HECW1: variants seen among roughly 807,000 people sequenced by gnomAD.
HECW1 encodes the protein HECT, C2 and WW domain containing E3 ubiquitin protein ligase 1, also known as E3 ubiquitin-protein ligase HECW1.
HECW1 carries 61 observed loss-of-function variants against 182.3 expected under a neutral mutation model. The ratio of observed to expected loss-of-function variants is 0.33; its 90% CI spans 0.27 to 0.41. The LOEUF (loss-of-function observed/expected upper bound fraction) is 0.41. Among genes scored for constraint, HECW1 ranks in the 10% least tolerant of loss-of-function variants. HECW1 has a pLI of 1.00. For missense variants in HECW1, 1,739 were observed against 2,108.9 expected (o/e 0.82, Z 3.44); for synonymous variants, 859 against 832.6 (o/e 1.03, Z -0.55).
intron 24 of HECW1, chr7:43,522,953 G>A (rs971557674): frequency 8.1e-6 from 3 of 368,196 alleles, no homozygotes; most frequent in Non-Finnish European, 1.6e-5. Context: ...TGGCACTTCC[G>A]CCTACTCTTT....
chr7:43,378,824 A>C (rs1419023074), intron 6 of HECW1, among the ~76,000 whole-genome samples: 2 of 152,068 alleles, frequency 1.3e-5, no homozygotes, highest in East Asian at 1.9e-4. Flanking sequence ...AATAAAAACA[A>C]AAGAAGGAGG....
At chr7:43,513,799 T>C (rs748042231) in intron 24 of HECW1, among the ~76,000 whole-genome samples, 14 of 152,306 alleles carry the variant, frequency 9.2e-5, no homozygotes, top group Non-Finnish European at 1.9e-4. Context: ...ACGACTGACT[T>C]CCAAACTGAA....
intron 24 of HECW1, among the ~76,000 whole-genome samples, chr7:43,519,302 A>G (rs1047929190): frequency 4.6e-5 from 7 of 151,928 alleles, no homozygotes; most frequent in African/African-American, 1.7e-4. Flanking sequence ...CTGGAGTGCA[A>G]TGGCACGATC....
chr7:43,407,816 T>G (rs959427227), intron 8 of HECW1, 85 bp downstream of exon 8: 1 of 1,224,048 alleles, frequency 8.2e-7, no homozygotes, highest in Non-Finnish European at 1.2e-6. Flanking sequence ...CCTCCATTCA[T>G]GGAGCCCTGG....
At position 43,456,363 on chromosome 7, in the gene HECW1, C is replaced by G; in HGVS notation, c.2567C>G (p.Thr856Ser). 6.2e-7 allele frequency: 1 copy of G among 1,614,052 alleles called. No individual in the cohort carries two copies. The highest frequency in any genetic ancestry group is 8.5e-7 in the Non-Finnish European group (1 of 1,179,960). The change falls in exon 13 of 30, where the codon ACC (threonine) becomes AGC (serine). Residue 856 changes from threonine to serine, a missense_variant. By Grantham distance (58) the Thr-to-Ser change is moderately conservative. Around this residue, in one of 5 missense-constraint regions of HECW1, gnomAD observed 971 missense variants for 1,029.1 expected, o/e 0.94. Coordinates refer to ENST00000395891, the MANE Select transcript of HECW1 (RefSeq NM_015052.5). ...FYVDHVNRTT[T>S]WQRPTAAATP... ...GTGGACCACGTGAACCGCACAACCA[C>G]CTGGCAGCGTCCGACGGCAGCAGCC... is the stretch of plus-strand genomic sequence containing the variant.
At chr7:43,426,086 G>C (rs2076355806) in intron 8 of HECW1, among the ~76,000 whole-genome samples, 1 of 152,148 alleles carries the variant, frequency 6.6e-6, no homozygotes, top group South Asian at 2.1e-4. Flanking sequence ...CAAGCTGTCT[G>C]ATGGGATGAG....
At chr7:43,511,261 G>A (rs546040694) in intron 24 of HECW1, 1 of 152,320 alleles carries the variant, frequency 6.6e-6, no homozygotes, top group East Asian at 1.9e-4. Flanking sequence ...GAGTATTTGT[G>A]GTGCATCCTG....
chr7:43,546,325 GT>G (rs1476713855), intron 26 of HECW1, among the ~76,000 whole-genome samples: 33 of 145,854 alleles, frequency 2.3e-4, no homozygotes. Flanking sequence ...TTTGGACACA[GT>G]TCTCTCCAGC....
At chr7:43,273,859 T>G (rs905059658) in intron 3 of HECW1, among the ~76,000 whole-genome samples, 1 of 128,800 alleles carries the variant, frequency 7.8e-6, no homozygotes, top group African/African-American at 4.1e-5. Context: ...ATATGATTCT[T>G]TTTTTTTTTT....
At chr7:43,514,093 TAA>T (rs906176740) in intron 24 of HECW1, among the ~76,000 whole-genome samples, 1 of 152,094 alleles carries the variant, frequency 6.6e-6, no homozygotes, top group Non-Finnish European at 1.5e-5. Context: ...GGCCAGTCCC[TAA>T]GTCACAGAGC....
In HECW1 at chr7:43,493,178, C is replaced by A. The variant is rs181114904; in HGVS notation, c.3435C>A (p.Leu1145=). The A allele has an allele frequency of 3.1e-4, 492 of 1,608,818 alleles. 2 individuals carry two copies. In the African/African-American group the frequency reaches 6.2e-3, roughly 20 times the overall value. ...CAAGCTTAGCAAGAAACCACACACT[C>A]AGGTAAGCCTCGCCCCTCACTCCCT... The part of the protein sequence containing the change: ...RQPSLARNHT[L]REKIHYIRTE... The change falls in exon 19 of 30, where the codon CTC becomes CTA. Residue 1145 remains leucine, a splice_region_variant and synonymous_variant. Coordinates refer to ENST00000395891, the MANE Select transcript of HECW1 (RefSeq NM_015052.5).
intron 2 of HECW1, among the ~76,000 whole-genome samples, chr7:43,130,078 A>T (rs1373194776): frequency 6.6e-6 from 1 of 152,188 alleles, no homozygotes; most frequent in South Asian, 2.1e-4. Flanking sequence ...TCACACCATA[A>T]ATACAATTTT....
At chr7:43,294,829 T>TGAG (rs1805836706) in intron 3 of HECW1, among the ~76,000 whole-genome samples, 1 of 152,202 alleles carries the variant, frequency 6.6e-6, no homozygotes, top group Admixed American at 6.5e-5. Flanking sequence ...GATGCACCTG[T>TGAG]GACGCAGCCT....
chr7:43,263,885 A>G (rs1261728626), intron 3 of HECW1, among the ~76,000 whole-genome samples: 1 of 152,186 alleles, frequency 6.6e-6, no homozygotes, highest in East Asian at 1.9e-4. Context: ...TAATTTTATT[A>G]TTTACCATTC....
chr7:43,334,264 G>C (rs1442708284), intron 5 of HECW1, among the ~76,000 whole-genome samples: 1 of 152,154 alleles, frequency 6.6e-6, no homozygotes, highest in Non-Finnish European at 1.5e-5. Context: ...GTCAAGATAG[G>C]TCTCTAGTCA....
chr7:43,198,796 A>G (rs1053560625), intron 2 of HECW1, among the ~76,000 whole-genome samples: 9 of 152,094 alleles, frequency 5.9e-5, no homozygotes, highest in Non-Finnish European at 2.9e-5. Flanking sequence ...ACTCACGTGC[A>G]CACACACATC....
chr7:43,391,676 G>C (rs2075035061), intron 6 of HECW1, among the ~76,000 whole-genome samples: 1 of 152,144 alleles, frequency 6.6e-6, no homozygotes, highest in Admixed American at 6.6e-5. Context: ...TCAGTTTACA[G>C]GTCTTTCTGT....
intron 2 of HECW1, among the ~76,000 whole-genome samples, chr7:43,123,035 A>G (rs1323977085): frequency 6.6e-6 from 1 of 152,236 alleles, no homozygotes; most frequent in Non-Finnish European, 1.5e-5. Context: ...TCCAAAGACA[A>G]AGCAGAATTA....
chr7:43,443,638 G>C (rs911991668), intron 10 of HECW1, among the ~76,000 whole-genome samples: 4 of 152,308 alleles, frequency 2.6e-5, no homozygotes, highest in Non-Finnish European at 4.4e-5. Flanking sequence ...TTGAGGTGAA[G>C]ACCTTGTTTT....
Sources: allele counts gnomAD v4.1 joint callset (sites outside exome capture counted in the v4.1 genomes callset), GRCh38; gene constraint gnomAD v4.1.1; regional missense constraint gnomAD v4.1.1; transcripts MANE v1.5; gene names NCBI Gene and HGNC (gene_info 2026-07-23, HGNC 2026-07-21).